LUZP1: variants seen among roughly 807,000 people sequenced by gnomAD.
LUZP1 encodes leucine zipper protein 1.
A neutral mutation model predicts 71.3 loss-of-function variants in LUZP1; 25 were observed. That is an observed-to-expected ratio of 0.35 (90% CI 0.26 to 0.49). The LOEUF (loss-of-function observed/expected upper bound fraction) is 0.49, where lower values mean the gene tolerates loss of function less well. Among genes scored for constraint, LUZP1 ranks in the 20% least tolerant of loss-of-function variants. The pLI is 0.99. For missense variants in LUZP1, 1,142 were observed against 1,300.8 expected (o/e 0.88, Z 1.88); for synonymous variants, 481 against 506.4 (o/e 0.95, Z 0.67).
At chr1:23,159,878 C>A (rs947905895) in intron 2 of LUZP1, among the ~76,000 whole-genome samples, 1 of 152,006 alleles carries the variant, frequency 6.6e-6, no homozygotes, top group Non-Finnish European at 1.5e-5. Context: ...TCCAGCTACT[C>A]GGGAGGCTGA....
exon 4 of LUZP1, chr1:23,091,833 G>A (rs758820038): frequency 3.0e-5 from 48 of 1,613,966 alleles, no homozygotes; most frequent in South Asian, 1.8e-4. Flanking sequence ...GGCCTCACCC[G>A]GAGCAGCTCT....
exon 5 of LUZP1, chr1:23,084,140 A>C (rs187790123): frequency 5.3e-5 from 8 of 152,314 alleles, no homozygotes; most frequent in Admixed American, 3.9e-4. Flanking sequence ...ACTACATAGG[A>C]TCAAGGGCTT....
intron 2 of LUZP1, among the ~76,000 whole-genome samples, chr1:23,155,856 T>C (rs1418097283): frequency 6.6e-6 from 1 of 152,070 alleles, no homozygotes; most frequent in Admixed American, 6.6e-5. Context: ...ATCACTAAAA[T>C]GGCCTAAATC....
intron 2 of LUZP1, among the ~76,000 whole-genome samples, chr1:23,164,679 G>C (rs139571824): frequency 6.6e-6 from 1 of 152,190 alleles, no homozygotes; most frequent in East Asian, 1.9e-4. Context: ...ATTATGAAAA[G>C]GAAGAAACAA....
At chr1:23,158,061 T>G (rs1366998644) in intron 2 of LUZP1, among the ~76,000 whole-genome samples, 1 of 152,026 alleles carries the variant, frequency 6.6e-6, no homozygotes, top group East Asian at 1.9e-4. Flanking sequence ...CAGAGATGAC[T>G]ATGAAACTAC....
At position 23,107,254 on chromosome 1, in the gene LUZP1, C is replaced by T. The variant is rs1023259320; in HGVS notation, c.-120+1768G>A. ...TCAGCTCCCCACCACTATCACCTTA[C>T]GCTGCTTTTTTGTCTTCTTAGCATG... is the stretch of plus-strand genomic sequence containing the variant. On this transcript the variant is annotated intron_variant, in intron 3 of 4. Transcript: ENST00000302291. Among the ~76,000 whole-genome samples the T allele has an allele frequency of 3.7e-4, 57 of 152,154 alleles. 1 individual carries two copies. The highest frequency in any genetic ancestry group is 3.7e-3 in the Admixed American group (57 of 15,276).
At chr1:23,142,698 TATACACACACACACACACACACACACAC>T (rs1473088475) in intron 2 of LUZP1, among the ~76,000 whole-genome samples, 34 of 101,470 alleles carry the variant, frequency 3.4e-4, no homozygotes, top group East Asian at 3.0e-3. Flanking sequence ...TATATATATA[TATACACACACACACACACACACACACAC>T]ACACACACAC....
exon 4 of LUZP1, chr1:23,091,668 G>A: frequency 6.2e-7 from 1 of 1,614,044 alleles, no homozygotes; most frequent in Non-Finnish European, 8.5e-7. Flanking sequence ...GTCCTTCAGG[G>A]GCCCATCTGC....
At chr1:23,111,997 T>G (rs1303393484) in intron 2 of LUZP1, among the ~76,000 whole-genome samples, 3 of 152,148 alleles carry the variant, frequency 2.0e-5, no homozygotes, top group Non-Finnish European at 4.4e-5. Context: ...CCAAATTTGC[T>G]GACATGTTAC....
At chr1:23,131,334 T>C (rs1644213588) in intron 2 of LUZP1, among the ~76,000 whole-genome samples, 1 of 147,910 alleles carries the variant, frequency 6.8e-6, no homozygotes, top group Non-Finnish European at 1.5e-5. Context: ...AGTTCAAATA[T>C]CATTCCTCAG....
At chr1:23,085,291 T>C (rs1004812500) in exon 5 of LUZP1, 1 of 152,614 alleles carries the variant, frequency 6.6e-6, no homozygotes, top group Non-Finnish European at 1.5e-5. Context: ...TTCTTAGCCC[T>C]CTCAATCTTT....
At chr1:23,170,462 CTTTTTTT>C (rs200073505) in intron 1 of LUZP1, among the ~76,000 whole-genome samples, 105 of 127,436 alleles carry the variant, frequency 8.2e-4, no homozygotes, top group African/African-American at 1.9e-3. Context: ...CTTTTTCTTT[CTTTTTTT>C]TTTTTTTTTT....
chr1:23,115,643 C>T (rs958907852), intron 2 of LUZP1, among the ~76,000 whole-genome samples: 2 of 152,100 alleles, frequency 1.3e-5, no homozygotes, highest in African/African-American at 4.8e-5. Context: ...CGGGTTCAAG[C>T]GATTCTCCTG....
chr1:23,148,611 G>C (rs1045851129), intron 2 of LUZP1, among the ~76,000 whole-genome samples: 4 of 152,222 alleles, frequency 2.6e-5, no homozygotes, highest in African/African-American at 9.6e-5. Context: ...TGGTGCTTGT[G>C]AATTCTATTC....
rs574186188 is a variant in LUZP1 at position 23,086,806 on chromosome 1, T to C, written c.*2089A>G. The C allele has an allele frequency of 2.6e-5, 4 of 152,744 alleles. No homozygotes were observed. The South Asian group carries it at 8.3e-4, about 32-fold the overall frequency. The allele number at this position is 152,744 out of a possible 1,614,324, so 9.5% of individuals were successfully genotyped here. On this transcript the variant is annotated 3_prime_UTR_variant, in exon 5 of 5. Coordinates refer to ENST00000302291, the Ensembl canonical transcript of LUZP1. ...GATCTTGGAAATAGCATCTTGAGCA[T>C]CAGAGGTGGGGATGTGGACAGGAAA...
intron 1 of LUZP1, among the ~76,000 whole-genome samples, chr1:23,175,843 C>T (rs146191390): frequency 6.6e-6 from 1 of 152,248 alleles, no homozygotes; most frequent in East Asian, 1.9e-4. Flanking sequence ...TGGGGGAATG[C>T]AGGGTGGGGA....
exon 4 of LUZP1, chr1:23,092,601 T>C (rs750169043): frequency 6.2e-7 from 1 of 1,614,216 alleles, no homozygotes; most frequent in Non-Finnish European, 8.5e-7. Context: ...GTTTGCAGCC[T>C]GAGTTACTTG....
At chr1:23,099,279 A>G (rs560082436) in intron 3 of LUZP1, among the ~76,000 whole-genome samples, 4 of 152,254 alleles carry the variant, frequency 2.6e-5, no homozygotes, top group Non-Finnish European at 5.9e-5. Context: ...TTTAGACCAC[A>G]CACCAATTTT....
intron 2 of LUZP1, among the ~76,000 whole-genome samples, chr1:23,149,220 C>T (rs776901962): frequency 3.6e-4 from 54 of 151,648 alleles, no homozygotes; most frequent in Middle Eastern, 6.8e-3. Context: ...ATTTTACACA[C>T]GAGCCACAGC....
Sources: gnomAD v4.1 joint callset for allele counts (sites outside exome capture counted in the v4.1 genomes callset) on GRCh38, gnomAD v4.1.1 for gene constraint, MANE v1.5 for transcripts, NCBI Gene and HGNC (gene_info 2026-07-23, HGNC 2026-07-21) for gene names.